Variants in SH3GL2 observed in about 807,000 individuals in gnomAD.
The protein encoded by SH3GL2 is SH3 domain containing GRB2 like 2, endophilin A1, also known as endophilin-A1.
Under a neutral mutation model 46.0 loss-of-function variants are expected in SH3GL2, and 24 were observed. The observed-to-expected ratio is 0.52, with a 90% confidence interval of 0.38 to 0.73. The LOEUF is 0.73. Among genes scored for constraint, SH3GL2 ranks in the 30% least tolerant of loss-of-function variants. SH3GL2 has a pLI of 0.00. For synonymous variants in SH3GL2, 196 were observed against 147.1 expected (o/e 1.33, Z -2.40); for missense variants, 413 against 424.2 (o/e 0.97, Z 0.23).
chr9:17,795,231 A>C (rs10963273), intron 8 of SH3GL2, among the ~76,000 whole-genome samples: 24,756 of 152,246 alleles, frequency 0.16, 2,534 homozygotes, highest in Middle Eastern at 0.28. Flanking sequence ...ATTATCACGA[A>C]GGCAAACTAT....
intron 1 of SH3GL2, among the ~76,000 whole-genome samples, chr9:17,605,029 G>A (rs1350554202): frequency 6.6e-6 from 1 of 150,950 alleles, no homozygotes; most frequent in Admixed American, 6.6e-5. Flanking sequence ...CTGGAGTGCA[G>A]GGGGACAGTC....
intron 1 of SH3GL2, among the ~76,000 whole-genome samples, chr9:17,731,171 T>C (rs1822168537): frequency 6.6e-6 from 1 of 152,144 alleles, no homozygotes; most frequent in Admixed American, 6.6e-5. Flanking sequence ...TGAGTGGCTT[T>C]GCACTAAATA....
At chr9:17,689,791 C>T (rs1382397313) in intron 1 of SH3GL2, among the ~76,000 whole-genome samples, 2 of 152,100 alleles carry the variant, frequency 1.3e-5, no homozygotes, top group African/African-American at 4.8e-5. Context: ...AATAGTATCT[C>T]CTGCAGTCTA....
At chr9:17,721,566 G>C (rs1014140431) in intron 1 of SH3GL2, among the ~76,000 whole-genome samples, 1 of 151,782 alleles carries the variant, frequency 6.6e-6, no homozygotes, top group Non-Finnish European at 1.5e-5. Context: ...TAGTTTTTCT[G>C]GTAATTTTTT....
chr9:17,696,605 G>T (rs1821209366), intron 1 of SH3GL2, among the ~76,000 whole-genome samples: 1 of 151,990 alleles, frequency 6.6e-6, no homozygotes, highest in Non-Finnish European at 1.5e-5. Context: ...GAGCAAAGGG[G>T]GAAAAGCCCC....
intron 1 of SH3GL2, among the ~76,000 whole-genome samples, chr9:17,592,565 A>G (rs559191952): frequency 2.0e-5 from 3 of 152,338 alleles, no homozygotes; most frequent in African/African-American, 7.2e-5. Context: ...CCTTTGTTAA[A>G]ACAGGAGATT....
intron 3 of SH3GL2, among the ~76,000 whole-genome samples, chr9:17,769,682 C>G (rs994343102): frequency 1.3e-5 from 2 of 151,998 alleles, no homozygotes; most frequent in Non-Finnish European, 2.9e-5. Context: ...CTCCTCATCC[C>G]TCTCATACCT....
intron 1 of SH3GL2, among the ~76,000 whole-genome samples, chr9:17,719,601 G>A (rs940900890): frequency 1.3e-5 from 2 of 151,942 alleles, no homozygotes; most frequent in Non-Finnish European, 2.9e-5. Context: ...CCCAGCCTGG[G>A]CAACATAACA....
At chr9:17,787,326 G>A (rs548125492) in intron 4 of SH3GL2, 54 bp from the exon 5 acceptor site, 29 of 1,505,626 alleles carry the variant, frequency 1.9e-5, no homozygotes, top group Non-Finnish European at 2.7e-5. Flanking sequence ...CCCTGTTATT[G>A]CGAGTGCATT....
intron 1 of SH3GL2, among the ~76,000 whole-genome samples, chr9:17,677,101 T>C (rs1820632497): frequency 6.6e-6 from 1 of 152,198 alleles, no homozygotes. Flanking sequence ...ACTTAGAGGT[T>C]GAGCAAGATT....
At chr9:17,757,634 A>C (rs932381133) in intron 2 of SH3GL2, among the ~76,000 whole-genome samples, 4 of 152,226 alleles carry the variant, frequency 2.6e-5, no homozygotes, top group Non-Finnish European at 4.4e-5. Flanking sequence ...ATCAAAACTT[A>C]CTTTCAAATA....
At chr9:17,590,136 A>G (rs1818452773) in intron 1 of SH3GL2, 1 of 152,148 alleles carries the variant, frequency 6.6e-6, no homozygotes, top group Non-Finnish European at 1.5e-5. Context: ...TTCTGCATAT[A>G]CTGGTTGCTG....
intron 1 of SH3GL2, among the ~76,000 whole-genome samples, chr9:17,721,790 G>C (rs550299542): frequency 7.2e-5 from 11 of 152,054 alleles, no homozygotes; most frequent in Middle Eastern, 3.4e-3. Context: ...CCCAGCCTCC[G>C]TAACACTTGA....
intron 2 of SH3GL2, among the ~76,000 whole-genome samples, chr9:17,751,841 G>A (rs1822856995): frequency 6.6e-6 from 1 of 151,626 alleles, no homozygotes; most frequent in Non-Finnish European, 1.5e-5. Flanking sequence ...GTGGAGCATT[G>A]TGCTAAGACA....
intron 1 of SH3GL2, among the ~76,000 whole-genome samples, chr9:17,699,639 G>T (rs1821295908): frequency 6.6e-6 from 1 of 152,210 alleles, no homozygotes; most frequent in Admixed American, 6.5e-5. Context: ...TGGCTGTCCA[G>T]TAGTGCTTGC....
chr9:17,705,211 A>C (rs1332083642), intron 1 of SH3GL2, among the ~76,000 whole-genome samples: 1 of 152,162 alleles, frequency 6.6e-6, no homozygotes, highest in Non-Finnish European at 1.5e-5. Flanking sequence ...CACACCAGTC[A>C]GAATGACTGT....
chr9:17,611,741 A>C (rs1331418026), intron 1 of SH3GL2, among the ~76,000 whole-genome samples: 1 of 152,128 alleles, frequency 6.6e-6, no homozygotes, highest in African/African-American at 2.4e-5. Flanking sequence ...TGCCCTTGCT[A>C]CACCCCGTCA....
chr9:17,739,515 A>C (rs1822462587), intron 1 of SH3GL2, among the ~76,000 whole-genome samples: 1 of 152,088 alleles, frequency 6.6e-6, no homozygotes, highest in Non-Finnish European at 1.5e-5. Flanking sequence ...CAGGGATGGG[A>C]AACTATGGAA....
rs371266764 is a variant in SH3GL2 at position 17,767,097 on chromosome 9, A to G, written c.187+5588A>G. ...TTACCCTGATGTGATAATCTAATAC[A>G]AATTTCCAAACTGCTTACATAAAAA... On this transcript the variant is annotated intron_variant, in intron 3 of 8. Transcript: ENST00000380607. Among the ~76,000 whole-genome samples, 13 of 152,336 alleles carry G rather than the reference A, an allele frequency of 8.5e-5. No individual in the cohort carries two copies. In the South Asian group the frequency reaches 2.7e-3, roughly 32 times the overall value.
Sources: allele counts gnomAD v4.1 joint callset (sites outside exome capture counted in the v4.1 genomes callset), GRCh38; gene constraint gnomAD v4.1.1; transcripts MANE v1.5; gene names NCBI Gene and HGNC (gene_info 2026-07-23, HGNC 2026-07-21).